The following KL variants were observed in gnomAD, a reference collection of about 807,000 sequenced individuals.
KL encodes the protein alpha-klotho.
Under a neutral mutation model 84.2 loss-of-function variants are expected in KL, and 62 were observed. That is an observed-to-expected ratio of 0.74 (90% CI 0.60 to 0.91). The LOEUF is 0.91. Among genes scored for constraint, KL ranks in the 40% least tolerant of loss-of-function variants. The probability of loss-of-function intolerance (pLI) is 0.00; values close to 1 mark genes in which losing one functional copy is unlikely to be tolerated. For missense variants in KL, 1,261 were observed against 1,305.7 expected (o/e 0.97, Z 0.53); for synonymous variants, 528 against 528.0 (o/e 1.00, Z 0.00).
intron 1 of KL, among the ~76,000 whole-genome samples, chr13:33,050,598 T>C (rs1341727174): frequency 6.6e-6 from 1 of 152,130 alleles, no homozygotes; most frequent in East Asian, 1.9e-4. Flanking sequence ...GTGAGACTCT[T>C]GGTGTCCAGA....
At position 33,063,998 on chromosome 13, in the gene KL, A is replaced by T; in HGVS notation, c.2851A>T (p.Asn951Tyr). 1 of 1,614,178 alleles carries T rather than the reference A, an allele frequency of 6.2e-7. No individual in the cohort carries two copies. Among genetic ancestry groups the T allele is most frequent in the Non-Finnish European group, 8.5e-7 (1 of 1,180,038 alleles). The change falls in exon 5 of 5, where the codon AAT becomes TAT. Residue 951 changes from asparagine to tyrosine, a missense_variant. By Grantham distance (143) the Asn-to-Tyr change is moderately radical (BLOSUM62 -2). Coordinates refer to ENST00000380099, the MANE Select transcript of KL (RefSeq NM_004795.4). ...ACATTACAGGAAAATTATTGACAGCAATGGTTTCCCGGGCCCAGAAACTCT... is the reference window on the plus strand; with the variant it reads ...ACATTACAGGAAAATTATTGACAGCTATGGTTTCCCGGGCCCAGAAACTCT... ...MKHYRKIIDS[N>Y]GFPGPETLER...
intron 4 of KL, 59 bp from the exon 5 acceptor site, chr13:33,063,790 A>AT: frequency 1.4e-6 from 2 of 1,462,136 alleles, no homozygotes; most frequent in Non-Finnish European, 1.9e-6. Flanking sequence ...AAAAAAAAAA[A>AT]GTGATGTGTT....
At chr13:33,039,896 T>TA (rs1192958699) in intron 1 of KL, among the ~76,000 whole-genome samples, 2 of 152,184 alleles carry the variant, frequency 1.3e-5, no homozygotes, top group Non-Finnish European at 2.9e-5. Flanking sequence ...GTCTTCCTGT[T>TA]ACTTTGTAGA....
intron 1 of KL, among the ~76,000 whole-genome samples, chr13:33,023,575 G>C (rs951043632): frequency 6.6e-6 from 1 of 152,000 alleles, no homozygotes; most frequent in African/African-American, 2.4e-5. Flanking sequence ...TATCTTTCTG[G>C]ATCCAGCTTG....
At chr13:33,050,643 G>C (rs1871707975) in intron 1 of KL, among the ~76,000 whole-genome samples, 1 of 152,180 alleles carries the variant, frequency 6.6e-6, no homozygotes, top group African/African-American at 2.4e-5. Flanking sequence ...GGGTCCATGG[G>C]GTTGCAGCGA....
At position 33,061,122 on chromosome 13, in the gene KL, C is replaced by A. The variant is rs1872175242; in HGVS notation, c.2043C>A (p.Val681=). The change falls in exon 4 of 5, where the codon GTC becomes GTA. Residue 681 remains valine, a synonymous_variant. Coordinates refer to ENST00000380099, the MANE Select transcript of KL (RefSeq NM_004795.4). ...RLCFQELGHH[V]KLWITMNEPY... ...GCTTTCAAGAGCTCGGCCATCACGTCAAGCTTTGGATAACGATGAATGAGC... is the reference window on the plus strand; with the variant it reads ...GCTTTCAAGAGCTCGGCCATCACGTAAAGCTTTGGATAACGATGAATGAGC... The A allele has an allele frequency of 2.5e-6, 4 of 1,614,152 alleles. No individual in the cohort carries two copies. The highest frequency in any genetic ancestry group is 3.4e-6 in the Non-Finnish European group (4 of 1,180,000).
rs536438407 is a variant in KL, at chr13:33,037,739, C to T, written c.820-16028C>T. ...TTAGTCTCTTGCTTCTCTGCAATTGCCATGAGAAAATGCCCAAGCTAGTAC... is the reference window on the plus strand; with the variant it reads ...TTAGTCTCTTGCTTCTCTGCAATTGTCATGAGAAAATGCCCAAGCTAGTAC... On this transcript the variant is annotated intron_variant, in intron 1 of 4. Transcript: ENST00000380099. 6.6e-5 allele frequency among the ~76,000 whole-genome samples: 10 copies of T among 152,124 alleles called. No individual in the cohort carries two copies. In the South Asian group the frequency reaches 2.1e-3, roughly 32 times the overall value.
At chr13:33,031,945 T>G (rs1257520198) in intron 1 of KL, among the ~76,000 whole-genome samples, 3 of 152,194 alleles carry the variant, frequency 2.0e-5, no homozygotes, top group Non-Finnish European at 2.9e-5. Flanking sequence ...TTGGGGCAGG[T>G]AAATTCATTG....
At chr13:33,056,754 C>T (rs1047491560) in intron 3 of KL, among the ~76,000 whole-genome samples, 2 of 151,856 alleles carry the variant, frequency 1.3e-5, no homozygotes, top group Non-Finnish European at 2.9e-5. Context: ...TGCAGTGAGC[C>T]GAGATTGCGC....
chr13:33,054,268 A>G lies in KL; in HGVS notation c.1321A>G (p.Thr441Ala). The change falls in exon 2 of 5, where the codon ACC (threonine) becomes GCC (alanine). Residue 441 changes from threonine (T) to alanine (A), a missense_variant. Physicochemically the swap from Thr to Ala is moderately conservative, Grantham distance 58. Transcript: ENST00000380099. ...TTACCTCAAAAAGTTCATCATGGAA[A>G]CCTTAAAAGGTATGATTGTGGGTAA... is the stretch of plus-strand genomic sequence containing the variant. ...MYYLKKFIME[T>A]LKAIKLDGVD... 1 of 1,613,526 alleles carries G rather than the reference A, an allele frequency of 6.2e-7. No homozygotes were observed. The highest frequency in any genetic ancestry group is 8.5e-7 in the Non-Finnish European group (1 of 1,179,946).
At chr13:33,035,787 T>G (rs9536239) in intron 1 of KL, among the ~76,000 whole-genome samples, 26,519 of 152,164 alleles carry the variant, frequency 0.17, 2,497 homozygotes, top group African/African-American at 0.24. Context: ...GTCAATGACT[T>G]GGAATGATTT....
chr13:33,056,019 C>T (rs532602044), intron 3 of KL, among the ~76,000 whole-genome samples: 25 of 152,152 alleles, frequency 1.6e-4, no homozygotes, highest in African/African-American at 5.1e-4. Context: ...GTTAGTTGCT[C>T]GGGTCGCTTG....
chr13:33,026,168 AG>A (rs138459076), intron 1 of KL, among the ~76,000 whole-genome samples: 4,372 of 152,254 alleles, frequency 0.029, 198 homozygotes, highest in African/African-American at 0.099. Flanking sequence ...GGCTCTCTCT[AG>A]CCTCTGTCCT....
intron 4 of KL, 55 bp downstream of exon 4, chr13:33,061,835 A>C (rs899491665): frequency 6.4e-6 from 10 of 1,571,056 alleles, no homozygotes; most frequent in Non-Finnish European, 8.7e-6. Context: ...AGAGGGCATG[A>C]CACTTGATTA....
Position 33,017,232 on chromosome 13 carries a change from G to A in KL, c.792G>A (p.Gly264=). Residue 264 remains glycine (G), a synonymous_variant, in exon 1 of 5, where the codon GGG becomes GGA. Coordinates refer to ENST00000380099, the MANE Select transcript of KL (RefSeq NM_004795.4). ...APGIRGSPRL[G]YLVAHNLLLA... ...GCATCCGGGGCAGCCCGCGGCTCGG[G>A]TACCTGGTGGCGCACAACCTCCTCC... 6.3e-7 allele frequency: 1 copy of A among 1,585,684 alleles called. No homozygotes were observed. The highest frequency in any genetic ancestry group is 8.5e-7 in the Non-Finnish European group (1 of 1,173,010).
rs1420659470 is a variant in KL at position 33,053,775 on chromosome 13, C to A, written c.828C>A (p.Ala276=). The A allele has an allele frequency of 3.1e-6, 5 of 1,613,942 alleles. No homozygotes were observed. Among genetic ancestry groups the A allele is most frequent in the Non-Finnish European group, 4.2e-6 (5 of 1,179,984 alleles). Residue 276 remains alanine (A), a synonymous_variant, in exon 2 of 5, where the codon GCC becomes GCA. Transcript: ENST00000380099. ...LVAHNLLLAH[A]KVWHLYNTSF... ...GGTTTTTCTCTTCATAGGCTCATGC[C>A]AAAGTCTGGCATCTCTACAATACTT...
chr13:33,055,511 A>G (rs1871926757), intron 3 of KL, 196 bp downstream of exon 3: 1 of 661,512 alleles, frequency 1.5e-6, no homozygotes, highest in Non-Finnish European at 2.7e-6. Context: ...CATCTTGTTT[A>G]AGTTAGATCC....
In KL at chr13:33,061,125, G is replaced by A. The variant is rs1181283286; in HGVS notation, c.2046G>A (p.Lys682=). ...TTCAAGAGCTCGGCCATCACGTCAA[G>A]CTTTGGATAACGATGAATGAGCCGT... ...LCFQELGHHV[K]LWITMNEPYT... The change falls in exon 4 of 5, where the codon AAG becomes AAA. Residue 682 remains lysine (K), a synonymous_variant. Coordinates refer to ENST00000380099, the MANE Select transcript of KL (RefSeq NM_004795.4). 6.2e-7 allele frequency: 1 copy of A among 1,614,182 alleles called. No individual in the cohort carries two copies. The highest frequency in any genetic ancestry group is 1.7e-5 in the Admixed American group (1 of 60,034).
rs368691338 is a variant in KL, at chr13:33,053,973, G to T, written c.1026G>T (p.Lys342Asn). Residue 342 changes from lysine to asparagine, a missense_variant, in exon 2 of 5, where the codon AAG becomes AAT. Lys to Asn is a moderately conservative substitution (Grantham distance 94, BLOSUM62 0). Transcript: ENST00000380099. ...FIDGDYPESM[K>N]NNLSSILPDF... Reference sequence around the variant, plus strand: ...ATGGTGACTATCCCGAGAGCATGAAGAATAACCTTTCATCTATTCTGCCTG... The same window carrying T: ...ATGGTGACTATCCCGAGAGCATGAATAATAACCTTTCATCTATTCTGCCTG... 6.2e-7 allele frequency: 1 copy of T among 1,614,098 alleles called. No individual in the cohort carries two copies. The highest frequency in any genetic ancestry group is 1.7e-5 in the Admixed American group (1 of 60,016).
Sources: allele counts gnomAD v4.1 joint callset (sites outside exome capture counted in the v4.1 genomes callset), GRCh38; gene constraint gnomAD v4.1.1; transcripts MANE v1.5; gene names NCBI Gene and HGNC (gene_info 2026-07-23, HGNC 2026-07-21).